The following QTGAL variants were observed in gnomAD, a reference collection of about 807,000 sequenced individuals.
QTGAL encodes the protein queuosine-tRNA galactosyltransferase.
chr17:82,947,214 T>C, the QTGAL span: 1 of 531,468 alleles, frequency 1.9e-6, no homozygotes, highest in Non-Finnish European at 3.4e-6. Flanking sequence ...CCCCCTGCCT[T>C]CTGGCCTTGC....
the QTGAL span, chr17:82,960,381 C>T: frequency 6.6e-6 from 1 of 152,274 alleles, no homozygotes; most frequent in African/African-American, 2.4e-5. Context: ...AGACGCAAGC[C>T]TCGGACGGCG....
At chr17:82,964,713 C>CG in the QTGAL span, among the ~76,000 whole-genome samples, 7 of 107,312 alleles carry the variant, frequency 6.5e-5, no homozygotes, top group African/African-American at 1.1e-4. Context: ...TGCACCCCCA[C>CG]GGGGGGACGG....
At chr17:83,004,670 A>C in the QTGAL span, among the ~76,000 whole-genome samples, 28 of 104,054 alleles carry the variant, frequency 2.7e-4, no homozygotes, top group South Asian at 6.4e-4. Context: ...TCGCCCTCCC[A>C]CCCTCCGCAG....
At chr17:83,020,296 G>A in the QTGAL span, among the ~76,000 whole-genome samples, 2 of 152,096 alleles carry the variant, frequency 1.3e-5, no homozygotes, top group Non-Finnish European at 1.5e-5. Context: ...AAGAAATGAC[G>A]GCTAAGAAAT....
At chr17:82,955,819 T>C in the QTGAL span, among the ~76,000 whole-genome samples, 645 of 152,146 alleles carry the variant, frequency 4.2e-3, 6 homozygotes, top group African/African-American at 0.015. Context: ...TACGCAGCCA[T>C]GAAAAGGAAT....
chr17:82,956,827 C>T, the QTGAL span: 127 of 1,536,442 alleles, frequency 8.3e-5, no homozygotes, highest in Non-Finnish European at 9.2e-5. The surrounding 1 kb of genome is among the most constrained non-coding windows in gnomAD (Gnocchi z 5.7). Flanking sequence ...CCCGGAGAGA[C>T]GCCCTCAGGG....
chr17:82,989,954 G>A, the QTGAL span, among the ~76,000 whole-genome samples: 1 of 152,228 alleles, frequency 6.6e-6, no homozygotes, highest in Non-Finnish European at 1.5e-5. Context: ...ATCATTAAGT[G>A]TATTTTGAAG....
At chr17:82,953,916 A>G in the QTGAL span, among the ~76,000 whole-genome samples, 2 of 152,250 alleles carry the variant, frequency 1.3e-5, no homozygotes, top group African/African-American at 4.8e-5. Flanking sequence ...TTATCTCAAC[A>G]GATGCAGAAA....
At chr17:83,007,156 C>G in the QTGAL span, 1 of 924,538 alleles carries the variant, frequency 1.1e-6, no homozygotes, top group Non-Finnish European at 1.3e-6. Flanking sequence ...CAAACGTGCT[C>G]GGCCATGGCT....
chr17:82,989,754 G>A, the QTGAL span, among the ~76,000 whole-genome samples: 1 of 152,070 alleles, frequency 6.6e-6, no homozygotes, highest in Non-Finnish European at 1.5e-5. Flanking sequence ...TGATGCAAAG[G>A]TGAAACACAA....
At chr17:83,035,141 T>G in the QTGAL span, 1 of 1,520,030 alleles carries the variant, frequency 6.6e-7, no homozygotes, top group Non-Finnish European at 9.1e-7. Flanking sequence ...TAATTCAGTT[T>G]CCAGCAGCAT....
chr17:82,977,706 A>G, the QTGAL span, among the ~76,000 whole-genome samples: 1 of 151,938 alleles, frequency 6.6e-6, no homozygotes, highest in Middle Eastern at 3.2e-3. Context: ...TGTGAAATGG[A>G]GGTGTTCAGG....
At chr17:82,943,106 A>ATGTC in the QTGAL span, 9 of 153,070 alleles carry the variant, frequency 5.9e-5, no homozygotes, top group African/African-American at 1.7e-4. Context: ...AGCTTCACAA[A>ATGTC]TGTCTGCTGC....
At chr17:83,001,103 TTATACATCAACAAAGC>T in the QTGAL span, among the ~76,000 whole-genome samples, 1 of 152,170 alleles carries the variant, frequency 6.6e-6, no homozygotes, top group African/African-American at 2.4e-5. Context: ...TGTATGTCAG[TTATACATCAACAAAGC>T]TATACATCAA....
the QTGAL span, among the ~76,000 whole-genome samples, chr17:83,031,132 CA>C: frequency 3.3e-5 from 5 of 152,236 alleles, no homozygotes; most frequent in Non-Finnish European, 7.3e-5. Flanking sequence ...CTAAAGTTTC[CA>C]AGAACACAGA....
At chr17:82,971,008 C>T in the QTGAL span, among the ~76,000 whole-genome samples, 1 of 152,090 alleles carries the variant, frequency 6.6e-6, no homozygotes, top group African/African-American at 2.4e-5. Context: ...TTCCACAGGT[C>T]GGCGTCGTGG....
the QTGAL span, among the ~76,000 whole-genome samples, chr17:82,997,962 GATCT>G: frequency 4.8e-4 from 69 of 142,436 alleles, no homozygotes; most frequent in African/African-American, 1.2e-3. Flanking sequence ...TATCTATCTA[GATCT>G]ATCTATCTAT....
chr17:82,977,611 C>T, the QTGAL span, among the ~76,000 whole-genome samples: 2 of 152,184 alleles, frequency 1.3e-5, no homozygotes, highest in Non-Finnish European at 2.9e-5. Context: ...ACTCGAAACC[C>T]ACCGCTGGTG....
chr17:82,949,818 T>A, the QTGAL span: 2 of 152,228 alleles, frequency 1.3e-5, no homozygotes, highest in Non-Finnish European at 2.9e-5. Flanking sequence ...TTTATGGTCC[T>A]TTTAACAGTT....
Sources: gnomAD v4.1 joint callset for allele counts (sites outside exome capture counted in the v4.1 genomes callset) on GRCh38, gnomAD v4.1.1 for gene constraint, Gnocchi (gnomAD v3.1) non-coding constraint, MANE v1.5 for transcripts, NCBI Gene and HGNC (gene_info 2026-07-23, HGNC 2026-07-21) for gene names.